The following CSGALNACT1 variants were observed in gnomAD, a reference collection of about 807,000 sequenced individuals.
The protein encoded by CSGALNACT1 is chondroitin sulfate N-acetylgalactosaminyltransferase 1, also known as beta4GalNAcT-1.
Under a neutral mutation model 51.0 loss-of-function variants are expected in CSGALNACT1, and 52 were observed. The observed-to-expected ratio is 1.02, with a 90% CI of 0.82 to 1.29. CSGALNACT1 has a LOEUF of 1.29. Among genes scored for constraint, CSGALNACT1 ranks in the 50% most tolerant of loss-of-function variants. The probability of loss-of-function intolerance (pLI) is 0.00; values close to 1 mark genes in which losing one functional copy is unlikely to be tolerated. For synonymous variants in CSGALNACT1, 341 were observed against 254.4 expected (o/e 1.34, Z -3.24); for missense variants, 935 against 679.2 (o/e 1.38, Z -4.19).
chr8:19,448,970 T>A (rs1437226618), intron 5 of CSGALNACT1, among the ~76,000 whole-genome samples: 1 of 152,128 alleles, frequency 6.6e-6, no homozygotes, highest in Non-Finnish European at 1.5e-5. Flanking sequence ...AAATCAGTAT[T>A]CTTCCTTTGG....
rs1013645761 is a variant in CSGALNACT1 at position 19,598,914 on chromosome 8, C to T, written c.-416+2857G>A. On this transcript the variant is annotated intron_variant, in intron 2 of 9. Transcript: ENST00000454498. ...CGCTCATTCATTCTTTTGTTTGGTGCCTTATAAGAGCCAGGCACTGGTCCT... is the reference window on the plus strand; with the variant it reads ...CGCTCATTCATTCTTTTGTTTGGTGTCTTATAAGAGCCAGGCACTGGTCCT... Among the ~76,000 whole-genome samples, 3 of 152,088 alleles carry T rather than the reference C, an allele frequency of 2.0e-5. No individual in the cohort carries two copies. The South Asian group carries it at 6.2e-4, about 31-fold the overall frequency.
intron 4 of CSGALNACT1, among the ~76,000 whole-genome samples, chr8:19,470,140 C>T (rs1268835309): frequency 6.6e-6 from 1 of 152,128 alleles, no homozygotes; most frequent in African/African-American, 2.4e-5. Flanking sequence ...ATGGGACCTA[C>T]AACCCCGCAA....
chr8:19,460,120 CACATT>C (rs774761842), intron 4 of CSGALNACT1, among the ~76,000 whole-genome samples: 4 of 151,966 alleles, frequency 2.6e-5, no homozygotes, highest in Non-Finnish European at 5.9e-5. Context: ...TACACACACA[CACATT>C]ACAAAGGTAA....
chr8:19,458,429 A>T lies in CSGALNACT1; in HGVS notation c.848T>A (p.Phe283Tyr), dbSNP rs528141759. ...AAACACGTGCGAACAAACCAACCTG[A>T]AATTCTGCATGAACTGCCGGAACTT... The change falls in exon 5 of 10, where the codon TTC becomes TAC. Residue 283 changes from phenylalanine (F) to tyrosine (Y), a missense_variant. Coordinates refer to ENST00000454498, the Ensembl canonical transcript of CSGALNACT1. 17 of 1,613,980 alleles carry T rather than the reference A, an allele frequency of 1.1e-5. No homozygotes were observed. In the East Asian group the frequency reaches 3.6e-4, roughly 34 times the overall value.
intron 3 of CSGALNACT1, among the ~76,000 whole-genome samples, chr8:19,548,481 A>G (rs758933148): frequency 1.6e-4 from 24 of 152,338 alleles, no homozygotes; most frequent in South Asian, 6.2e-4. Flanking sequence ...ATTTTGTGAA[A>G]TGCATTATTC....
chr8:19,691,263 T>G (rs2061301826), intron 1 of CSGALNACT1, among the ~76,000 whole-genome samples: 1 of 151,892 alleles, frequency 6.6e-6, no homozygotes, highest in Non-Finnish European at 1.5e-5. Context: ...CCTGGGAAGT[T>G]CCCCATAAAT....
At chr8:19,626,831 C>T (rs60325517) in intron 1 of CSGALNACT1, among the ~76,000 whole-genome samples, 23,110 of 152,012 alleles carry the variant, frequency 0.15, 2,843 homozygotes, top group African/African-American at 0.35. Context: ...CAGAGGAAAA[C>T]ACAAATTAAA....
chr8:19,523,911 A>C (rs1174859563), intron 3 of CSGALNACT1, among the ~76,000 whole-genome samples: 1 of 152,214 alleles, frequency 6.6e-6, no homozygotes, highest in Non-Finnish European at 1.5e-5. Flanking sequence ...AGAATCACAG[A>C]AGCTTCTGCA....
intron 1 of CSGALNACT1, among the ~76,000 whole-genome samples, chr8:19,701,496 G>A (rs145433345): frequency 6.6e-6 from 1 of 152,022 alleles, no homozygotes; most frequent in South Asian, 2.1e-4. Flanking sequence ...CAGCAACTGT[G>A]TACCTCCAGT....
At chr8:19,445,900 C>T (rs1289145758) in intron 5 of CSGALNACT1, among the ~76,000 whole-genome samples, 2 of 152,060 alleles carry the variant, frequency 1.3e-5, no homozygotes, top group South Asian at 2.1e-4. Context: ...GTAAGCTGGG[C>T]GTGGTGGCTC....
At chr8:19,421,755 C>T (rs760180342) in intron 6 of CSGALNACT1, among the ~76,000 whole-genome samples, 32 of 152,198 alleles carry the variant, frequency 2.1e-4, no homozygotes, top group Admixed American at 5.2e-4. Context: ...ACTAGTTCTG[C>T]GACTCCCTCC....
At chr8:19,470,155 C>G (rs1586719163) in intron 4 of CSGALNACT1, among the ~76,000 whole-genome samples, 1 of 152,098 alleles carries the variant, frequency 6.6e-6, no homozygotes, top group Non-Finnish European at 1.5e-5. Flanking sequence ...CCGCAAAGTA[C>G]TTGGTATCAG....
intron 1 of CSGALNACT1, among the ~76,000 whole-genome samples, chr8:19,753,178 T>C (rs189261661): frequency 1.0e-3 from 152 of 152,266 alleles, no homozygotes; most frequent in African/African-American, 3.5e-3. Context: ...TGGGGAAGCA[T>C]TAGTCTGTGC....
At chr8:19,497,972 C>G (rs1221503667) in intron 4 of CSGALNACT1, among the ~76,000 whole-genome samples, 2 of 152,200 alleles carry the variant, frequency 1.3e-5, no homozygotes, top group Non-Finnish European at 2.9e-5. Flanking sequence ...CCAGACCGAA[C>G]CAATGTTCAT....
intron 1 of CSGALNACT1, among the ~76,000 whole-genome samples, chr8:19,618,719 G>C (rs1460616902): frequency 6.6e-6 from 1 of 150,548 alleles, no homozygotes; most frequent in Non-Finnish European, 1.5e-5. Flanking sequence ...ATGGCACCCA[G>C]CTTCTCCCTG....
chr8:19,459,630 C>G (rs2064945090), intron 4 of CSGALNACT1, among the ~76,000 whole-genome samples: 1 of 152,120 alleles, frequency 6.6e-6, no homozygotes. Flanking sequence ...AATCAGAGCA[C>G]AAACTATCAA....
At chr8:19,578,066 G>C (rs1434371634) in intron 3 of CSGALNACT1, among the ~76,000 whole-genome samples, 1 of 152,212 alleles carries the variant, frequency 6.6e-6, no homozygotes, top group African/African-American at 2.4e-5. Flanking sequence ...AGATGGGCTG[G>C]AACATGTTCC....
At chr8:19,750,473 G>C (rs1283523879) in intron 1 of CSGALNACT1, among the ~76,000 whole-genome samples, 1 of 152,212 alleles carries the variant, frequency 6.6e-6, no homozygotes, top group Non-Finnish European at 1.5e-5. Flanking sequence ...ATGAGAAGAA[G>C]AAAACGGACA....
chr8:19,519,124 A>C (rs2080138045), intron 3 of CSGALNACT1, among the ~76,000 whole-genome samples: 1 of 152,208 alleles, frequency 6.6e-6, no homozygotes, highest in South Asian at 2.1e-4. Context: ...CAATTCATTA[A>C]AAGATACAGG....
Sources: allele counts gnomAD v4.1 joint callset (sites outside exome capture counted in the v4.1 genomes callset), GRCh38; gene constraint gnomAD v4.1.1; transcripts MANE v1.5; gene names NCBI Gene and HGNC (gene_info 2026-07-23, HGNC 2026-07-21).